The following FA2H variants were observed in gnomAD, a reference collection of about 807,000 sequenced individuals.
The protein encoded by FA2H is fatty acid alpha-hydroxylase.
FA2H carries 22 observed loss-of-function variants against 44.9 expected under a neutral mutation model. That is an observed-to-expected ratio of 0.49 (90% CI 0.35 to 0.70). The LOEUF (loss-of-function observed/expected upper bound fraction) is 0.70, where lower values mean the gene tolerates loss of function less well. Ranked by LOEUF, FA2H falls within the 30% of genes least tolerant of loss-of-function variation. FA2H has a pLI of 0.01. For missense variants in FA2H, 501 were observed against 504.9 expected (o/e 0.99, Z 0.07); for synonymous variants, 243 against 213.2 (o/e 1.14, Z -1.22).
At chr16:74,751,019 G>C (rs946808866) in intron 1 of FA2H, among the ~76,000 whole-genome samples, 1 of 151,884 alleles carries the variant, frequency 6.6e-6, no homozygotes, top group African/African-American at 2.4e-5. Flanking sequence ...CTGGCCTCAG[G>C]GGATCCTTCT....
chr16:74,740,218 G>T, intron 1 of FA2H, 103 bp from the exon 2 acceptor site: 1 of 889,612 alleles, frequency 1.1e-6, no homozygotes, highest in Non-Finnish European at 1.9e-6. Context: ...TGAGAGCCCC[G>T]TGGGTGGGGC....
chr16:74,750,631 C>A (rs1962510083), intron 1 of FA2H, among the ~76,000 whole-genome samples: 1 of 152,188 alleles, frequency 6.6e-6, no homozygotes. Flanking sequence ...CCATGCCTGG[C>A]CATGCAATCT....
chr16:74,733,853 T>C (rs1013880121), intron 2 of FA2H, among the ~76,000 whole-genome samples: 11 of 152,162 alleles, frequency 7.2e-5, no homozygotes, highest in African/African-American at 2.4e-4. Flanking sequence ...CTCACCACAT[T>C]TGCCACCTTG....
chr16:74,720,822 A>G (rs1961819391), intron 4 of FA2H, among the ~76,000 whole-genome samples: 2 of 152,330 alleles, frequency 1.3e-5, no homozygotes, highest in South Asian at 2.1e-4. Flanking sequence ...TTTCACGTCA[A>G]TTGAATCATA....
At position 74,774,596 on chromosome 16, in the gene FA2H, C is replaced by G; in HGVS notation, c.160G>C (p.Ala54Pro). 6.5e-7 allele frequency: 1 copy of G among 1,527,324 alleles called. No individual in the cohort carries two copies. Among genetic ancestry groups the G allele is most frequent in the Non-Finnish European group, 8.7e-7 (1 of 1,146,424 alleles). 94.6% of individuals were successfully genotyped at this position (1,527,324 alleles called of 1,614,324 possible). The change falls in exon 1 of 7, where the codon GCG (alanine) becomes CCG (proline). Residue 54 changes from alanine to proline, a missense_variant. Transcript: ENST00000219368. ...PGGEQLLRAR[A>P]GQDISADLDG... ...AGGTCGGCGCTGATGTCCTGGCCCG[C>G]CCTGGCCCGCAGCAGCTGCTCGCCC...
intron 4 of FA2H, 147 bp downstream of exon 4, chr16:74,726,078 A>C: frequency 1.5e-6 from 1 of 660,058 alleles, no homozygotes; most frequent in South Asian, 1.6e-5. Flanking sequence ...TCTTCTTTGG[A>C]AGACTATTTC....
chr16:74,744,007 A>T (rs558663194), intron 1 of FA2H, among the ~76,000 whole-genome samples: 78 of 152,234 alleles, frequency 5.1e-4, no homozygotes, highest in African/African-American at 1.8e-3. Context: ...AACCCTCCCT[A>T]CACACAGCTA....
intron 4 of FA2H, 165 bp downstream of exon 4, chr16:74,726,060 G>A (rs1475772469): frequency 7.9e-6 from 5 of 630,180 alleles, no homozygotes; most frequent in Admixed American, 4.5e-5. Context: ...ATGGGAGTCA[G>A]ACAAAATTCT....
chr16:74,722,316 G>A (rs1338307174), intron 4 of FA2H, among the ~76,000 whole-genome samples: 1 of 151,660 alleles, frequency 6.6e-6, no homozygotes, highest in Non-Finnish European at 1.5e-5. Flanking sequence ...TGGGAGGATC[G>A]TTTGAGCCCA....
intron 1 of FA2H, among the ~76,000 whole-genome samples, chr16:74,753,246 A>G (rs1962559118): frequency 6.6e-6 from 1 of 152,228 alleles, no homozygotes; most frequent in Non-Finnish European, 1.5e-5. Flanking sequence ...CCAGAACTAG[A>G]GCACAGTCTT....
chr16:74,763,969 G>GA (rs1254568819), intron 1 of FA2H, among the ~76,000 whole-genome samples: 3 of 152,332 alleles, frequency 2.0e-5, no homozygotes, highest in African/African-American at 7.2e-5. Flanking sequence ...ATCAAGGTAA[G>GA]AAACTGAAGT....
intron 1 of FA2H, among the ~76,000 whole-genome samples, chr16:74,752,465 G>A (rs982981003): frequency 2.0e-5 from 3 of 152,070 alleles, no homozygotes; most frequent in African/African-American, 7.2e-5. Context: ...TCTCCTCTCG[G>A]TCCTGTCATG....
chr16:74,714,222 T>G lies in FA2H; in HGVS notation c.1087A>C (p.Thr363Pro), dbSNP rs200545714. ...GTCTTCAGGTGGGGTTTCTCTGGAG[T>G]GAGGGTGTGGAAACAGTAATCCCAC... ...KLWDYCFHTL[T>P]PEKPHLKTQ The change falls in exon 7 of 7, where the codon ACT becomes CCT. Residue 363 changes from threonine to proline, a missense_variant. Thr to Pro is a conservative substitution (Grantham distance 38, BLOSUM62 -1). Coordinates refer to ENST00000219368, the MANE Select transcript of FA2H (RefSeq NM_024306.5). The G allele has an allele frequency of 1.0e-3, 1,567 of 1,566,268 alleles. 21 individuals carry two copies. The highest frequency in any genetic ancestry group is 4.7e-4 in the East Asian group (20 of 42,128).
At chr16:74,746,904 G>C (rs1021849682) in intron 1 of FA2H, among the ~76,000 whole-genome samples, 2 of 152,206 alleles carry the variant, frequency 1.3e-5, no homozygotes, top group Non-Finnish European at 1.5e-5. Context: ...AGCAAGGTCT[G>C]ATGAAGGGCA....
rs562820222 is a variant in FA2H at position 74,734,350 on chromosome 16, C to T, written c.363+5673G>A. Among the ~76,000 whole-genome samples, 450 of 152,360 alleles carry T rather than the reference C, an allele frequency of 3.0e-3. 3 individuals are homozygous for T. The highest frequency in any genetic ancestry group is 0.01 in the African/African-American group (431 of 41,594). Reference sequence around the variant, plus strand: ...AAGCTGGCCTGCATGGGCGACAGCACGGTTATGCCCGAAACTGCTCTGGAA... The same window carrying T: ...AAGCTGGCCTGCATGGGCGACAGCATGGTTATGCCCGAAACTGCTCTGGAA... On this transcript the variant is annotated intron_variant, in intron 2 of 6. Coordinates refer to ENST00000219368, the MANE Select transcript of FA2H (RefSeq NM_024306.5).
At chr16:74,746,482 C>T (rs1962427892) in intron 1 of FA2H, among the ~76,000 whole-genome samples, 1 of 151,946 alleles carries the variant, frequency 6.6e-6, no homozygotes, top group Non-Finnish European at 1.5e-5. Flanking sequence ...CCTTGGCTTC[C>T]TAAGGTGCTA....
chr16:74,752,414 C>A (rs937792224), intron 1 of FA2H, among the ~76,000 whole-genome samples: 2 of 152,154 alleles, frequency 1.3e-5, no homozygotes, highest in African/African-American at 4.8e-5. Context: ...CTTCAGCCCC[C>A]ACCAGACTCC....
chr16:74,727,413 T>A, intron 2 of FA2H, 27 bp from the exon 3 acceptor site: 1 of 1,613,190 alleles, frequency 6.2e-7, no homozygotes, highest in Non-Finnish European at 8.5e-7. Context: ...CAAGTGGACG[T>A]TTGATATTCA....
intron 1 of FA2H, among the ~76,000 whole-genome samples, chr16:74,747,651 T>C (rs927074052): frequency 2.6e-5 from 4 of 151,972 alleles, no homozygotes; most frequent in East Asian, 1.9e-4. Flanking sequence ...ATGGGAGCAA[T>C]GCCTCTCCAA....
Sources: allele counts gnomAD v4.1 joint callset (sites outside exome capture counted in the v4.1 genomes callset), GRCh38; gene constraint gnomAD v4.1.1; transcripts MANE v1.5; gene names NCBI Gene and HGNC (gene_info 2026-07-23, HGNC 2026-07-21).